SCFD1: variants seen among roughly 807,000 people sequenced by gnomAD.
The protein encoded by SCFD1 is sec1 family domain containing 1.
Under a neutral mutation model 103.2 loss-of-function variants are expected in SCFD1, and 37 were observed. The observed-to-expected ratio is 0.36, with a 90% confidence interval of 0.28 to 0.47. SCFD1 has a LOEUF of 0.47. SCFD1 is among the 20% of genes least tolerant of loss of function. The probability of loss-of-function intolerance (pLI) is 1.00; values close to 1 mark genes in which losing one functional copy is unlikely to be tolerated. For missense variants in SCFD1, 639 were observed against 761.2 expected, an observed-to-expected ratio of 0.84 and a Z score of 1.89; for synonymous variants, 264 against 245.0, an observed-to-expected ratio of 1.08 and a Z score of -0.73.
At chr14:30,691,131 G>T (rs1212052752) in intron 14 of SCFD1, among the ~76,000 whole-genome samples, 1 of 152,178 alleles carries the variant, frequency 6.6e-6, no homozygotes, top group Non-Finnish European at 1.5e-5. Flanking sequence ...ATACATTAGA[G>T]TATGACCTGT....
chr14:30,678,143 T>C (rs914552717), intron 14 of SCFD1, among the ~76,000 whole-genome samples: 2 of 152,116 alleles, frequency 1.3e-5, no homozygotes, highest in Non-Finnish European at 1.5e-5. Context: ...TGGCCGTAAA[T>C]ATTTTTTACT....
intron 15 of SCFD1, among the ~76,000 whole-genome samples, chr14:30,695,088 ATTTAG>A (rs1485174707): frequency 1.3e-5 from 2 of 152,214 alleles, no homozygotes; most frequent in Admixed American, 6.5e-5. Context: ...ATTTGATAGT[ATTTAG>A]GCACATTTTA....
intron 1 of SCFD1, among the ~76,000 whole-genome samples, chr14:30,627,813 A>G (rs1369878716): frequency 1.3e-5 from 2 of 151,384 alleles, no homozygotes; most frequent in African/African-American, 2.4e-5. Flanking sequence ...TAAAAAAAAA[A>G]ACAGACAGAC....
intron 19 of SCFD1, among the ~76,000 whole-genome samples, chr14:30,712,498 A>C (rs1891955042): frequency 6.6e-6 from 1 of 152,156 alleles, no homozygotes; most frequent in African/African-American, 2.4e-5. Flanking sequence ...TATATTTCTT[A>C]GTTGTCTTTT....
intron 2 of SCFD1, among the ~76,000 whole-genome samples, chr14:30,629,438 T>C (rs1156475680): frequency 6.6e-6 from 1 of 152,200 alleles, no homozygotes; most frequent in Non-Finnish European, 1.5e-5. Context: ...TTTATTTGTC[T>C]TAACCGTGAA....
chr14:30,726,839 A>C lies in SCFD1; in HGVS notation c.1836+4280A>C, dbSNP rs945637951. Among the ~76,000 whole-genome samples, 5 of 152,292 alleles carry C rather than the reference A, an allele frequency of 3.3e-5. No individual in the cohort carries two copies. In the East Asian group the frequency reaches 9.6e-4, roughly 29 times the overall value. On this transcript the variant is annotated intron_variant, in intron 23 of 24. Coordinates refer to ENST00000458591, the MANE Select transcript of SCFD1 (RefSeq NM_016106.4). ...CGTCTTGCTCAGTATGTCTCTTTTC[A>C]TTAAAGGCAAATCGGGCTTACCATA...
chr14:30,627,489 G>A (rs1156721158), intron 1 of SCFD1, among the ~76,000 whole-genome samples: 1 of 152,192 alleles, frequency 6.6e-6, no homozygotes, highest in Non-Finnish European at 1.5e-5. Context: ...GCTCACGCCT[G>A]TAATCCCAGC....
At chr14:30,681,424 AT>A (rs1244327074) in intron 14 of SCFD1, among the ~76,000 whole-genome samples, 1 of 151,992 alleles carries the variant, frequency 6.6e-6, no homozygotes, top group African/African-American at 2.4e-5. Flanking sequence ...TACATTTTAA[AT>A]TTTTTATATA....
chr14:30,627,935 A>T (rs1883690935), intron 1 of SCFD1, among the ~76,000 whole-genome samples: 1 of 151,390 alleles, frequency 6.6e-6, no homozygotes, highest in African/African-American at 2.4e-5. Context: ...CAGTATATTG[A>T]GGCCATTGCA....
At chr14:30,640,057 C>G (rs1276455666) in intron 6 of SCFD1, among the ~76,000 whole-genome samples, 193 bp downstream of exon 6, 1 of 152,118 alleles carries the variant, frequency 6.6e-6, no homozygotes, top group Non-Finnish European at 1.5e-5. Flanking sequence ...TTTAATAAAC[C>G]TGTTTTGTAA....
At chr14:30,638,017 A>T in intron 4 of SCFD1, 108 bp from the exon 5 acceptor site, 3 of 1,312,742 alleles carry the variant, frequency 2.3e-6, no homozygotes, top group Non-Finnish European at 3.0e-6. Context: ...TTTGATTGTC[A>T]TTTAAATATC....
At chr14:30,650,128 G>A (rs566320200) in intron 8 of SCFD1, among the ~76,000 whole-genome samples, 1 of 152,262 alleles carries the variant, frequency 6.6e-6, no homozygotes, top group East Asian at 1.9e-4. Context: ...ACTGACTGGT[G>A]GAAGACTGCC....
At chr14:30,633,224 G>A (rs777550263) in intron 3 of SCFD1, among the ~76,000 whole-genome samples, 4 of 152,248 alleles carry the variant, frequency 2.6e-5, no homozygotes, top group Middle Eastern at 6.8e-3. Context: ...GGCAGCATGT[G>A]CCTCTTTCCT....
intron 23 of SCFD1, among the ~76,000 whole-genome samples, chr14:30,732,727 G>A (rs1426328321): frequency 6.6e-6 from 1 of 152,220 alleles, no homozygotes; most frequent in African/African-American, 2.4e-5. Flanking sequence ...TAAGGGGCAA[G>A]TGCCAGAAAA....
intron 1 of SCFD1, among the ~76,000 whole-genome samples, chr14:30,624,575 T>G (rs1165870147): frequency 1.3e-5 from 2 of 152,230 alleles, no homozygotes; most frequent in Non-Finnish European, 2.9e-5. Context: ...CTGTTGTCAT[T>G]GCTATTCCGA....
rs191606492 is a variant in SCFD1, at chr14:30,626,682, C to T, written c.62-1527C>T. On this transcript the variant is annotated intron_variant, in intron 1 of 24. Transcript: ENST00000458591. ...CTGTCCAGCCCACTGTCACTGGACT[C>T]TCCTATGTGTGTTGCCCCCATTAAA... Among the ~76,000 whole-genome samples the T allele has an allele frequency of 2.1e-3, 315 of 152,286 alleles. 1 individual carries two copies. The highest frequency in any genetic ancestry group is 6.6e-3 in the African/African-American group (274 of 41,554).
In SCFD1 at chr14:30,670,339, C is replaced by A. The variant is rs1370318196; in HGVS notation, c.939C>A (p.Asn313Lys). Residue 313 changes from asparagine to lysine, a missense_variant, in exon 11 of 25, where the codon AAC (asparagine) becomes AAA (lysine). Asn to Lys is a moderately conservative substitution (Grantham distance 94). Coordinates refer to ENST00000458591, the MANE Select transcript of SCFD1 (RefSeq NM_016106.4). Reference protein sequence around the residue: ...SPAGARPKRKNKKSYDLTPVD... With the variant: ...SPAGARPKRKKKKSYDLTPVD... ...CTGGTGCTAGACCAAAGAGAAAAAA[C>A]AAGAAGTCTTATGATTTAACTCCGG... 1 of 1,591,636 alleles carries A rather than the reference C, an allele frequency of 6.3e-7. No individual in the cohort carries two copies. Among genetic ancestry groups the A allele is most frequent in the Admixed American group, 1.8e-5 (1 of 54,910 alleles).
chr14:30,624,815 C>CT (rs1883217259), intron 1 of SCFD1, among the ~76,000 whole-genome samples: 1 of 152,174 alleles, frequency 6.6e-6, no homozygotes, highest in South Asian at 2.1e-4. Flanking sequence ...ACCTCACTCC[C>CT]TATTTCTCTT....
intron 23 of SCFD1, among the ~76,000 whole-genome samples, chr14:30,732,252 A>G (rs921895702): frequency 5.3e-5 from 8 of 152,172 alleles, no homozygotes; most frequent in Non-Finnish European, 1.2e-4. Flanking sequence ...CATGTTATCT[A>G]TTAATAGAGA....
Sources: allele counts gnomAD v4.1 joint callset (sites outside exome capture counted in the v4.1 genomes callset), GRCh38; gene constraint gnomAD v4.1.1; transcripts MANE v1.5; gene names NCBI Gene and HGNC (gene_info 2026-07-23, HGNC 2026-07-21).